Variants in PLA2G4A observed in about 807,000 individuals in gnomAD.
PLA2G4A encodes the protein phospholipase A2 group IVA.
In PLA2G4A, 40 loss-of-function variants were observed where a neutral mutation model predicts 81.9. The observed-to-expected ratio is 0.49, with a 90% confidence interval of 0.38 to 0.64. PLA2G4A has a LOEUF of 0.64. PLA2G4A is among the 30% of genes least tolerant of loss of function. The pLI is 0.00. For synonymous variants in PLA2G4A, 302 were observed against 296.9 expected, an observed-to-expected ratio of 1.02 and a Z score of -0.18; for missense variants, 715 against 905.1, an observed-to-expected ratio of 0.79 and a Z score of 2.69.
At chr1:186,893,775 T>G (rs2102113895) in intron 4 of PLA2G4A, among the ~76,000 whole-genome samples, 1 of 151,766 alleles carries the variant, frequency 6.6e-6, no homozygotes, top group South Asian at 2.1e-4. Flanking sequence ...AATACAAAAA[T>G]TTGCTGGATG....
Position 186,932,749 on chromosome 1 carries a change from T to C in PLA2G4A, c.559-14T>C, listed in dbSNP as rs1357545852. On this transcript the variant is annotated splice_polypyrimidine_tract_variant and intron_variant, in intron 7 of 17. Transcript: ENST00000367466. Reference sequence around the variant, plus strand: ...TTTACTTTGTGTACAAATCTCTCTGTTGCATCGTTTCAGGTGCCTGTGGTA... The same window carrying C: ...TTTACTTTGTGTACAAATCTCTCTGCTGCATCGTTTCAGGTGCCTGTGGTA... 1.2e-6 allele frequency: 2 copies of C among 1,612,506 alleles called. No homozygotes were observed. The highest frequency in any genetic ancestry group is 1.7e-6 in the Non-Finnish European group (2 of 1,178,624).
chr1:186,840,984 T>A (rs1300228912), intron 1 of PLA2G4A, among the ~76,000 whole-genome samples: 1 of 152,234 alleles, frequency 6.6e-6, no homozygotes, highest in Non-Finnish European at 1.5e-5. Flanking sequence ...TTCCTAGCAT[T>A]TTGTGCCACC....
At chr1:186,901,259 A>C (rs1373882242) in intron 5 of PLA2G4A, among the ~76,000 whole-genome samples, 1 of 152,136 alleles carries the variant, frequency 6.6e-6, no homozygotes, top group Non-Finnish European at 1.5e-5. Flanking sequence ...TTAATAGAGA[A>C]TGCATTTTTA....
intron 1 of PLA2G4A, among the ~76,000 whole-genome samples, chr1:186,833,247 T>A (rs1651661199): frequency 6.6e-6 from 1 of 151,974 alleles, no homozygotes; most frequent in South Asian, 2.1e-4. Context: ...TTTGAAAAAA[T>A]CAGCTGGATA....
At chr1:186,914,593 A>G (rs1558432415) in intron 7 of PLA2G4A, among the ~76,000 whole-genome samples, 1 of 152,150 alleles carries the variant, frequency 6.6e-6, no homozygotes, top group African/African-American at 2.4e-5. Flanking sequence ...GGCTGCATGC[A>G]CCAGTAATTA....
intron 3 of PLA2G4A, among the ~76,000 whole-genome samples, chr1:186,890,618 G>A (rs139727076): frequency 0.037 from 5,693 of 152,196 alleles, 143 homozygotes; most frequent in Admixed American, 0.066. Flanking sequence ...CACTTCGGGA[G>A]TCTGAGGCGG....
chr1:186,932,604 T>A (rs1655790447), intron 7 of PLA2G4A, among the ~76,000 whole-genome samples, 159 bp from the exon 8 acceptor site: 1 of 125,974 alleles, frequency 7.9e-6, no homozygotes, highest in South Asian at 2.5e-4. Flanking sequence ...CCCGGCCTTA[T>A]TTTCTTCTTT....
Position 186,934,449 on chromosome 1 carries a change from T to C in PLA2G4A, c.695+1550T>C, listed in dbSNP as rs1442296984. On this transcript the variant is annotated intron_variant, in intron 8 of 17. Coordinates refer to ENST00000367466, the MANE Select transcript of PLA2G4A (RefSeq NM_024420.3). ...AAAGGATTTTAAATGTGCACATATA[T>C]ATATATATATATATACATACACAGA... Among the ~76,000 whole-genome samples the C allele has an allele frequency of 5.3e-4, 46 of 87,468 alleles. 1 individual carries two copies. Among genetic ancestry groups the C allele is most frequent in the African/African-American group, 2.8e-3 (35 of 12,714 alleles). 57.4% of individuals were successfully genotyped at this position (87,468 alleles called of 152,430 possible).
At chr1:186,985,007 C>A (rs892440711) in intron 17 of PLA2G4A, among the ~76,000 whole-genome samples, 10 of 152,274 alleles carry the variant, frequency 6.6e-5, no homozygotes, top group African/African-American at 2.2e-4. Flanking sequence ...GGCTGCATGT[C>A]TTTTCTCCTT....
In PLA2G4A at chr1:186,915,139, G is replaced by A. The variant is rs112829711; in HGVS notation, c.558+3750G>A. Among the ~76,000 whole-genome samples the A allele has an allele frequency of 7.7e-3, 1,174 of 152,124 alleles. 13 individuals carry two copies. Among genetic ancestry groups the A allele is most frequent in the African/African-American group, 0.027 (1,113 of 41,490 alleles). Reference sequence around the variant, plus strand: ...GATCAAATCCATGCCACACTTGCACGGGCATGTGTGCCAGTTTTGTCATAT... The same window carrying A: ...GATCAAATCCATGCCACACTTGCACAGGCATGTGTGCCAGTTTTGTCATAT... On this transcript the variant is annotated intron_variant, in intron 7 of 17. Transcript: ENST00000367466.
chr1:186,935,793 G>A (rs1023156129), intron 8 of PLA2G4A, among the ~76,000 whole-genome samples: 9 of 151,926 alleles, frequency 5.9e-5, no homozygotes, highest in Non-Finnish European at 7.4e-5. Context: ...CTGATACACG[G>A]CCATTATTTG....
chr1:186,870,704 TA>T (rs1237444349), intron 3 of PLA2G4A, 188 bp downstream of exon 3: 1 of 1,533,532 alleles, frequency 6.5e-7, no homozygotes, highest in East Asian at 2.4e-5. Flanking sequence ...ACCTGGGCCT[TA>T]AATTAGCCAA....
chr1:186,852,889 A>G (rs1652423017), intron 1 of PLA2G4A, among the ~76,000 whole-genome samples: 1 of 152,032 alleles, frequency 6.6e-6, no homozygotes, highest in African/African-American at 2.4e-5. Flanking sequence ...GTAATTTATC[A>G]TGATAAATTA....
intron 7 of PLA2G4A, among the ~76,000 whole-genome samples, chr1:186,913,423 A>G (rs1272743116): frequency 4.6e-5 from 7 of 151,974 alleles, no homozygotes; most frequent in African/African-American, 1.4e-4. Context: ...GTATCCATCA[A>G]TCACCTATCT....
intron 1 of PLA2G4A, among the ~76,000 whole-genome samples, chr1:186,836,342 TA>T (rs200444990): frequency 0.019 from 2,895 of 151,488 alleles, 46 homozygotes; most frequent in East Asian, 0.045. Context: ...GTACATAAGA[TA>T]TTAATCAACC....
chr1:186,979,477 G>T lies in PLA2G4A; in HGVS notation c.2118+5G>T. 6.4e-7 allele frequency: 1 copy of T among 1,558,558 alleles called. No homozygotes were observed. Among genetic ancestry groups the T allele is most frequent in the Non-Finnish European group, 8.9e-7 (1 of 1,129,472 alleles). On this transcript the variant is annotated splice_donor_5th_base_variant and intron_variant, in intron 17 of 17. Transcript: ENST00000367466. ...AATACTCTGAACAACATTGATGTAA[G>T]TATCTCCTATGGCCATTGACTATGT...
chr1:186,934,441 C>CATATATATAT (rs1209342571), intron 8 of PLA2G4A, among the ~76,000 whole-genome samples: 2 of 4,020 alleles, frequency 5.0e-4, no homozygotes, highest in Non-Finnish European at 1.5e-3. Flanking sequence ...TTTAAATGTG[C>CATATATATAT]ACATATATAT....
At chr1:186,892,253 T>G (rs1204687511) in intron 3 of PLA2G4A, among the ~76,000 whole-genome samples, 2 of 152,144 alleles carry the variant, frequency 1.3e-5, no homozygotes, top group Admixed American at 1.3e-4. Flanking sequence ...CTCTTCATTT[T>G]GTTGATTTTT....
chr1:186,928,726 A>G (rs1655637453), intron 7 of PLA2G4A, among the ~76,000 whole-genome samples: 1 of 152,258 alleles, frequency 6.6e-6, no homozygotes, highest in African/African-American at 2.4e-5. Context: ...TGAATACTTC[A>G]GAATTTTCTT....
Sources: allele counts gnomAD v4.1 joint callset (sites outside exome capture counted in the v4.1 genomes callset), GRCh38; gene constraint gnomAD v4.1.1; transcripts MANE v1.5; gene names NCBI Gene and HGNC (gene_info 2026-07-23, HGNC 2026-07-21).